Variants in CDH13 observed in about 807,000 individuals in gnomAD.
CDH13 encodes the protein cadherin 13.
A neutral mutation model predicts 63.8 loss-of-function variants in CDH13; 24 were observed. That is an observed-to-expected ratio of 0.38 (90% confidence interval 0.27 to 0.53). CDH13 has a LOEUF of 0.53. Among genes scored for constraint, CDH13 ranks in the 20% least tolerant of loss-of-function variants. CDH13 has a pLI of 0.85. For missense variants in CDH13, 1,049 were observed against 903.1 expected (o/e 1.16, Z -2.07); for synonymous variants, 503 against 355.3 (o/e 1.42, Z -4.67).
At chr16:82,796,219 G>C (rs1046824359) in intron 1 of CDH13, among the ~76,000 whole-genome samples, 1 of 152,128 alleles carries the variant, frequency 6.6e-6, no homozygotes, top group African/African-American at 2.4e-5. Context: ...CAGGACTCTA[G>C]CCAGAAACTG....
chr16:83,627,958 G>C (rs555570633), intron 8 of CDH13, among the ~76,000 whole-genome samples: 2 of 152,278 alleles, frequency 1.3e-5, no homozygotes. Context: ...TTTTTAGACC[G>C]TATAGGGTAA....
In CDH13 at chr16:83,628,781, C is replaced by T. The variant is rs143872297; in HGVS notation, c.1101+26187C>T. On this transcript the variant is annotated intron_variant, in intron 8 of 13. Coordinates refer to ENST00000567109, the MANE Select transcript of CDH13 (RefSeq NM_001257.5). Reference sequence around the variant, plus strand: ...TCCTGGTTTGTTTATACCTTTTTCCCACCTGAAACCTTGATGGTTGATTTG... The same window carrying T: ...TCCTGGTTTGTTTATACCTTTTTCCTACCTGAAACCTTGATGGTTGATTTG... 6.9e-4 allele frequency among the ~76,000 whole-genome samples: 105 copies of T among 152,298 alleles called. 1 individual carries two copies. In the East Asian group the frequency reaches 0.019, roughly 28 times the overall value.
Position 83,254,950 on chromosome 16 carries a change from T to TTTTC in CDH13, c.636+37453_636+37454insTTTC, listed in dbSNP as rs1405343265. Among the ~76,000 whole-genome samples the TTTTC allele has an allele frequency of 6.8e-3, 985 of 144,408 alleles. 26 individuals are homozygous for TTTTC. The highest frequency in any genetic ancestry group is 0.024 in the African/African-American group (922 of 38,216). The allele number at this position is 144,408 out of a possible 152,430, so 94.7% of individuals were successfully genotyped here. On this transcript the variant is annotated intron_variant, in intron 5 of 13. Coordinates refer to ENST00000567109, the MANE Select transcript of CDH13 (RefSeq NM_001257.5). ...CTCTTTCTTGGATTTTTTCTTTTTC[T>TTTTC]CTTTCTTTCTTTCTTTCTTTCTTTC...
intron 5 of CDH13, among the ~76,000 whole-genome samples, chr16:83,265,417 CA>C (rs1425364272): frequency 6.6e-6 from 1 of 152,130 alleles, no homozygotes; most frequent in Non-Finnish European, 1.5e-5. Flanking sequence ...ATATATTTTT[CA>C]ATAGATGATG....
chr16:83,748,277 G>T, intron 11 of CDH13, 27 bp downstream of exon 11: 4 of 1,562,160 alleles, frequency 2.6e-6, no homozygotes, highest in Admixed American at 1.8e-5. Flanking sequence ...GACCATCAAG[G>T]GTATACTTTT....
chr16:83,669,267 A>G (rs1456095916), intron 8 of CDH13, among the ~76,000 whole-genome samples: 2 of 152,130 alleles, frequency 1.3e-5, no homozygotes, highest in African/African-American at 4.8e-5. Flanking sequence ...AATAACCATA[A>G]TAGATTTTCA....
intron 10 of CDH13, among the ~76,000 whole-genome samples, chr16:83,696,039 A>C (rs575899483): frequency 6.6e-6 from 1 of 151,908 alleles, no homozygotes; most frequent in African/African-American, 2.4e-5. Context: ...ACAGGCATGC[A>C]CCACCATGCC....
intron 1 of CDH13, among the ~76,000 whole-genome samples, chr16:82,809,926 T>C (rs967264642): frequency 4.6e-5 from 7 of 152,180 alleles, no homozygotes; most frequent in Non-Finnish European, 7.4e-5. Flanking sequence ...GGACAGATTT[T>C]TGATTAACTG....
chr16:82,666,844 T>C (rs1398903713), intron 1 of CDH13, among the ~76,000 whole-genome samples: 1 of 152,156 alleles, frequency 6.6e-6, no homozygotes, highest in Non-Finnish European at 1.5e-5. Flanking sequence ...CTTCCCACCA[T>C]CCAAACGATG....
intron 1 of CDH13, among the ~76,000 whole-genome samples, chr16:82,670,027 C>T (rs759143599): frequency 1.3e-5 from 2 of 152,226 alleles, no homozygotes; most frequent in South Asian, 2.1e-4. Context: ...GGAGCAGATA[C>T]GGACTGGAAA....
intron 3 of CDH13, among the ~76,000 whole-genome samples, chr16:83,049,325 CTTTT>C (rs34082309): frequency 2.4e-5 from 3 of 126,102 alleles, no homozygotes; most frequent in African/African-American, 6.1e-5. Context: ...TGACTGGCCT[CTTTT>C]TTTTTTTTTT....
chr16:83,259,188 A>G (rs947964383), intron 5 of CDH13, among the ~76,000 whole-genome samples: 1 of 152,248 alleles, frequency 6.6e-6, no homozygotes, highest in Non-Finnish European at 1.5e-5. Context: ...AGTAAGATTG[A>G]TATAAACCTT....
At chr16:83,489,922 C>T (rs1329585806) in intron 7 of CDH13, among the ~76,000 whole-genome samples, 5 of 151,992 alleles carry the variant, frequency 3.3e-5, no homozygotes, top group Non-Finnish European at 5.9e-5. Context: ...TGTCTTCATT[C>T]GCAGTATCTC....
At chr16:83,489,459 T>C (rs2073961624) in intron 7 of CDH13, among the ~76,000 whole-genome samples, 2 of 152,172 alleles carry the variant, frequency 1.3e-5, no homozygotes, top group African/African-American at 2.4e-5. Flanking sequence ...ATCAGTGCAA[T>C]CCAAAGGAAA....
At chr16:83,001,700 A>T (rs1396853323) in intron 2 of CDH13, among the ~76,000 whole-genome samples, 1 of 152,212 alleles carries the variant, frequency 6.6e-6, no homozygotes, top group Non-Finnish European at 1.5e-5. Context: ...GTGACCATTT[A>T]CACCTACGGA....
intron 3 of CDH13, among the ~76,000 whole-genome samples, chr16:83,096,318 A>G (rs2034189943): frequency 6.6e-6 from 1 of 152,190 alleles, no homozygotes; most frequent in African/African-American, 2.4e-5. Context: ...CCAAATAGGA[A>G]TATATCAGAC....
intron 6 of CDH13, among the ~76,000 whole-genome samples, chr16:83,440,664 C>T (rs1422359405): frequency 4.6e-5 from 7 of 151,790 alleles, no homozygotes; most frequent in Admixed American, 1.3e-4. Flanking sequence ...GCACACCCGT[C>T]GTCCCAGCTA....
intron 4 of CDH13, among the ~76,000 whole-genome samples, chr16:83,179,655 A>C (rs1423169436): frequency 3.5e-4 from 1 of 2,826 alleles, no homozygotes; most frequent in Non-Finnish European, 7.6e-4. Context: ...CTCTCTCAGA[A>C]AAAAAAAAAG....
intron 3 of CDH13, among the ~76,000 whole-genome samples, chr16:83,038,503 C>G (rs924312711): frequency 6.6e-6 from 1 of 152,132 alleles, no homozygotes; most frequent in Admixed American, 6.5e-5. Context: ...CTTCCGTGCA[C>G]AAAAGGGCTC....
Sources: allele counts gnomAD v4.1 joint callset (sites outside exome capture counted in the v4.1 genomes callset), GRCh38; gene constraint gnomAD v4.1.1; transcripts MANE v1.5; gene names NCBI Gene and HGNC (gene_info 2026-07-23, HGNC 2026-07-21).